The following LTBP1 variants were observed in gnomAD, a reference collection of about 807,000 sequenced individuals.
LTBP1 encodes the protein latent-transforming growth factor beta-binding protein 1.
A neutral mutation model predicts 207.6 loss-of-function variants in LTBP1; 129 were observed. The ratio of observed to expected loss-of-function variants is 0.62; its 90% CI spans 0.54 to 0.72. The LOEUF (loss-of-function observed/expected upper bound fraction) is 0.72, where lower values mean the gene tolerates loss of function less well. Ranked by LOEUF, LTBP1 falls within the 30% of genes least tolerant of loss-of-function variation. The pLI is 0.00. For missense variants in LTBP1, 2,281 were observed against 2,217.2 expected, an observed-to-expected ratio of 1.03 and a Z score of -0.58; for synonymous variants, 963 against 833.7, an observed-to-expected ratio of 1.16 and a Z score of -2.67.
Position 33,003,930 on chromosome 2 carries a change from C to T in LTBP1, c.566-16979C>T, listed in dbSNP as rs142338280. On this transcript the variant is annotated intron_variant, in intron 2 of 33. Coordinates refer to ENST00000404816, the MANE Select transcript of LTBP1 (RefSeq NM_206943.4). ...ATCTGCCCAGCAACTGCCTGTCCAA[C>T]GTTGGGTTGATGCCACCATTGTTAC... Among the ~76,000 whole-genome samples, 190 of 152,288 alleles carry T rather than the reference C, an allele frequency of 1.2e-3. 4 individuals are homozygous for T. The East Asian group carries it at 0.032, about 25-fold the overall frequency.
chr2:33,367,937 G>A (rs779641817), intron 31 of LTBP1, among the ~76,000 whole-genome samples: 7 of 152,290 alleles, frequency 4.6e-5, no homozygotes, highest in Admixed American at 1.3e-4. Flanking sequence ...TCTTTTGGCC[G>A]TGCGCGGTGG....
Position 33,090,175 on chromosome 2 carries a change from C to T in LTBP1, c.864-20407C>T, listed in dbSNP as rs567509284. Among the ~76,000 whole-genome samples, 9 of 152,262 alleles carry T rather than the reference C, an allele frequency of 5.9e-5. No homozygotes were observed. The East Asian group carries it at 1.5e-3, about 26-fold the overall frequency. On this transcript the variant is annotated intron_variant, in intron 3 of 33. Coordinates refer to ENST00000404816, the MANE Select transcript of LTBP1 (RefSeq NM_206943.4). ...TAGGGTAATTCCACTGTTTCATTTG[C>T]TCTGTCTTTCAGACATGGTGAAATG...
chr2:33,367,253 T>A (rs980297784), intron 31 of LTBP1, among the ~76,000 whole-genome samples: 1 of 152,226 alleles, frequency 6.6e-6, no homozygotes, highest in African/African-American at 2.4e-5. Context: ...CATATAACAA[T>A]GTCCACGGGT....
chr2:33,363,492 A>G lies in LTBP1; in HGVS notation c.4373A>G (p.Tyr1458Cys), dbSNP rs916073415. Reference sequence around the variant, plus strand: ...TGCTACTGTAAGCAAGGGACGTACTATGATCCTGTGAAACTGCAGTGCTTT... The same window carrying G: ...TGCTACTGTAAGCAAGGGACGTACTGTGATCCTGTGAAACTGCAGTGCTTT... ...YECYCKQGTY[Y>C]DPVKLQCFDM... Residue 1458 changes from tyrosine (Y) to cysteine (C), a missense_variant, in exon 29 of 34, where the codon TAT becomes TGT. Physicochemically the swap from Tyr to Cys is radical, Grantham distance 194. Coordinates refer to ENST00000404816, the MANE Select transcript of LTBP1 (RefSeq NM_206943.4). 3 of 1,613,774 alleles carry G rather than the reference A, an allele frequency of 1.9e-6. No individual in the cohort carries two copies. Among genetic ancestry groups the G allele is most frequent in the African/African-American group, 1.3e-5 (1 of 74,914 alleles).
chr2:33,322,372 T>C lies in LTBP1; in HGVS notation c.3730+7103T>C, dbSNP rs77022191. Reference sequence around the variant, plus strand: ...TGATGTCAACAACCCGAGTCCTTTTTAGATCATGGAAGGTTATTGTAAGCA... The same window carrying C: ...TGATGTCAACAACCCGAGTCCTTTTCAGATCATGGAAGGTTATTGTAAGCA... On this transcript the variant is annotated intron_variant, in intron 24 of 33. Coordinates refer to ENST00000404816, the MANE Select transcript of LTBP1 (RefSeq NM_206943.4). 1.2e-3 allele frequency among the ~76,000 whole-genome samples: 188 copies of C among 152,334 alleles called. 2 individuals carry two copies. The East Asian group carries it at 0.031, about 25-fold the overall frequency.
chr2:32,952,887 C>T (rs888074149), intron 2 of LTBP1, among the ~76,000 whole-genome samples: 3 of 152,254 alleles, frequency 2.0e-5, no homozygotes, highest in African/African-American at 4.8e-5. Context: ...GAATCCAAAG[C>T]GGGTGCCTGG....
chr2:33,331,439 A>G (rs1169995715), intron 24 of LTBP1, among the ~76,000 whole-genome samples: 1 of 152,068 alleles, frequency 6.6e-6, no homozygotes, highest in Non-Finnish European at 1.5e-5. Context: ...AAATATTTCT[A>G]AAGTTCATTG....
chr2:33,024,177 C>T (rs1190638664), intron 3 of LTBP1, among the ~76,000 whole-genome samples: 1 of 152,154 alleles, frequency 6.6e-6, no homozygotes, highest in African/African-American at 2.4e-5. Context: ...TGTCTGCTTT[C>T]TTGGAACTTA....
At chr2:33,277,799 C>CTTTCTTTCTTTCTTTCTTTCTT (rs1558933708) in intron 18 of LTBP1, among the ~76,000 whole-genome samples, 2 of 47,472 alleles carry the variant, frequency 4.2e-5, no homozygotes, top group African/African-American at 1.8e-4. Context: ...CTTTCTTTCT[C>CTTTCTTTCTTTCTTTCTTTCTT]TCTCTCTTTC....
chr2:33,281,998 C>A (rs2093567455), intron 19 of LTBP1, among the ~76,000 whole-genome samples: 1 of 150,816 alleles, frequency 6.6e-6, no homozygotes, highest in African/African-American at 2.4e-5. Flanking sequence ...TGTGACTGAT[C>A]AAATTGGCAA....
chr2:33,173,319 G>T (rs2085661177), intron 5 of LTBP1, among the ~76,000 whole-genome samples: 1 of 151,094 alleles, frequency 6.6e-6, no homozygotes, highest in Admixed American at 6.6e-5. Flanking sequence ...ATGATAAAGG[G>T]GATATCACCA....
chr2:33,095,524 G>A (rs1902030), intron 3 of LTBP1, among the ~76,000 whole-genome samples: 9,966 of 152,064 alleles, frequency 0.066, 828 homozygotes, highest in East Asian at 0.41. Context: ...GAGAGTCTCC[G>A]CAAAATAATA....
intron 13 of LTBP1, among the ~76,000 whole-genome samples, chr2:33,261,752 G>A (rs2093016571): frequency 6.6e-6 from 1 of 152,180 alleles, no homozygotes; most frequent in Non-Finnish European, 1.5e-5. Flanking sequence ...TATCTAAATG[G>A]ACTTACCCTG....
chr2:32,985,665 A>T (rs1373687833), intron 2 of LTBP1, among the ~76,000 whole-genome samples: 4 of 152,198 alleles, frequency 2.6e-5, no homozygotes, highest in Admixed American at 1.3e-4. Flanking sequence ...TACATGAGAG[A>T]TTCATTTGTT....
chr2:33,221,989 T>A, intron 8 of LTBP1, 91 bp from the exon 9 acceptor site: 1 of 809,572 alleles, frequency 1.2e-6, no homozygotes, highest in Non-Finnish European at 2.1e-6. Context: ...TAAGTAAGTT[T>A]GCTGATGCCT....
chr2:33,248,080 G>GT (rs1331876451), intron 10 of LTBP1, among the ~76,000 whole-genome samples: 2 of 152,184 alleles, frequency 1.3e-5, no homozygotes, highest in East Asian at 3.8e-4. Flanking sequence ...GCCATCTCAG[G>GT]TTAGGCCCCT....
intron 31 of LTBP1, among the ~76,000 whole-genome samples, chr2:33,378,398 T>A (rs886348441): frequency 1.3e-5 from 2 of 151,900 alleles, no homozygotes; most frequent in African/African-American, 4.8e-5. Flanking sequence ...GCTAATATTT[T>A]TTATTATTAT....
intron 3 of LTBP1, among the ~76,000 whole-genome samples, chr2:33,066,137 A>G (rs373229027): frequency 6.6e-6 from 1 of 151,774 alleles, no homozygotes; most frequent in South Asian, 2.1e-4. Flanking sequence ...TTTTTCTTTT[A>G]TTCTGTTTAT....
chr2:33,163,977 T>C (rs2084685427), intron 5 of LTBP1, among the ~76,000 whole-genome samples: 1 of 152,068 alleles, frequency 6.6e-6, no homozygotes, highest in Admixed American at 6.5e-5. Flanking sequence ...ATTTTTTTTT[T>C]CTCTTAATAT....
Sources: gnomAD v4.1 joint callset for allele counts (sites outside exome capture counted in the v4.1 genomes callset) on GRCh38, gnomAD v4.1.1 for gene constraint, MANE v1.5 for transcripts, NCBI Gene and HGNC (gene_info 2026-07-23, HGNC 2026-07-21) for gene names.